Variants in SORBS2 observed in about 807,000 individuals in gnomAD.
SORBS2 encodes sorbin and SH3 domain containing 2.
SORBS2 carries 46 observed loss-of-function variants against 97.7 expected under a neutral mutation model. The observed-to-expected ratio is 0.47, with a 90% CI of 0.37 to 0.60. The LOEUF is 0.60. Among genes scored for constraint, SORBS2 ranks in the 20% least tolerant of loss-of-function variants. The pLI, the probability that SORBS2 is intolerant of heterozygous loss-of-function variation, is 0.00. For synonymous variants in SORBS2, 476 were observed against 473.4 expected (o/e 1.01, Z -0.07); for missense variants, 1,316 against 1,282.3 (o/e 1.03, Z -0.40).
At chr4:185,774,888 C>T (rs1287254585) in intron 2 of SORBS2, 4 of 149,800 alleles carry the variant, frequency 2.7e-5, no homozygotes, top group Admixed American at 6.6e-5. Flanking sequence ...TTTTAATGCC[C>T]CTGGAAAGTT....
intron 4 of SORBS2, among the ~76,000 whole-genome samples, chr4:185,633,831 A>T: frequency 6.6e-6 from 1 of 151,822 alleles, no homozygotes. Context: ...GACATGATGC[A>T]CTCTAAATTC....
At chr4:185,764,800 C>A (rs1003932665) in intron 2 of SORBS2, among the ~76,000 whole-genome samples, 6 of 152,132 alleles carry the variant, frequency 3.9e-5, no homozygotes, top group African/African-American at 1.4e-4. Flanking sequence ...ATGTACCCAT[C>A]ATTTATCTTA....
At chr4:185,916,925 G>A (rs1177125223) in intron 1 of SORBS2, among the ~76,000 whole-genome samples, 2 of 152,220 alleles carry the variant, frequency 1.3e-5, no homozygotes, top group East Asian at 3.9e-4. Flanking sequence ...GGTAGCTACA[G>A]GATGGGGCTG....
At chr4:185,656,644 C>T (rs766029731) in exon 1 of SORBS2, 36 of 1,550,960 alleles carry the variant, frequency 2.3e-5, no homozygotes, top group African/African-American at 5.5e-5. Context: ...TTCATCCTGT[C>T]CCCGGCTTCC....
intron 1 of SORBS2, among the ~76,000 whole-genome samples, chr4:185,890,831 C>T (rs1383122012): frequency 1.3e-5 from 2 of 152,216 alleles, no homozygotes; most frequent in Admixed American, 6.5e-5. Flanking sequence ...ATTCCAATGC[C>T]TAGGTTTTCT....
intron 1 of SORBS2, among the ~76,000 whole-genome samples, chr4:185,942,196 G>T (rs1303525074): frequency 6.6e-6 from 1 of 152,080 alleles, no homozygotes; most frequent in Non-Finnish European, 1.5e-5. Flanking sequence ...CTTCTGTTTG[G>T]AATTTTCATG....
At chr4:185,603,135 T>G (rs1175122356) in intron 12 of SORBS2, among the ~76,000 whole-genome samples, 1 of 152,228 alleles carries the variant, frequency 6.6e-6, no homozygotes, top group African/African-American at 2.4e-5. Context: ...TTTTAAATCC[T>G]GGCTTTGTCC....
chr4:185,822,847 A>G (rs1220191856), intron 1 of SORBS2, among the ~76,000 whole-genome samples: 3 of 152,224 alleles, frequency 2.0e-5, no homozygotes, highest in Non-Finnish European at 4.4e-5. Context: ...TAAAGATTTT[A>G]CATTTTAAGC....
At chr4:185,813,678 G>A (rs967932439) in intron 1 of SORBS2, among the ~76,000 whole-genome samples, 3 of 152,130 alleles carry the variant, frequency 2.0e-5, no homozygotes, top group Admixed American at 1.3e-4. Flanking sequence ...CAATCTGACT[G>A]CTCCTCGCCC....
chr4:185,614,929 C>T, exon 11 of SORBS2: 1 of 1,614,150 alleles, frequency 6.2e-7, no homozygotes, highest in Non-Finnish European at 8.5e-7. Context: ...GGTGGTCTTG[C>T]AGGCTGTGCT....
rs539044853 is a variant in SORBS2 at position 185,670,642 on chromosome 4, C to T, written c.-46+7781G>A. ...TTTTTGGAGTCTTGCTCTCGACCTCCAAAAGTGCTGGGATTACAGGCATGA... is the reference window on the plus strand; with the variant it reads ...TTTTTGGAGTCTTGCTCTCGACCTCTAAAAGTGCTGGGATTACAGGCATGA... On this transcript the variant is annotated intron_variant, in intron 4 of 20. Coordinates refer to the SORBS2 transcript ENST00000284776. 2.0e-5 allele frequency among the ~76,000 whole-genome samples: 3 copies of T among 151,448 alleles called. No individual in the cohort carries two copies. The South Asian group carries it at 6.3e-4, about 32-fold the overall frequency.
chr4:185,588,862 G>A (rs1160820493), intron 14 of SORBS2, among the ~76,000 whole-genome samples: 1 of 152,032 alleles, frequency 6.6e-6, no homozygotes, highest in Non-Finnish European at 1.5e-5. Flanking sequence ...TAATCCACCC[G>A]CCTCGGCCTC....
At chr4:185,786,155 T>A (rs1312239218) in intron 1 of SORBS2, among the ~76,000 whole-genome samples, 1 of 152,222 alleles carries the variant, frequency 6.6e-6, no homozygotes, top group Non-Finnish European at 1.5e-5. Context: ...TTTGGGTTTT[T>A]TTTTCTATTT....
At chr4:185,945,883 G>A (rs1415719624) in intron 1 of SORBS2, among the ~76,000 whole-genome samples, 1 of 152,172 alleles carries the variant, frequency 6.6e-6, no homozygotes, top group African/African-American at 2.4e-5. Flanking sequence ...CCAGGAAGAA[G>A]CAGCAGCAGT....
intron 2 of SORBS2, among the ~76,000 whole-genome samples, chr4:185,751,196 AAGAG>A (rs923535815): frequency 2.7e-5 from 4 of 149,974 alleles, no homozygotes; most frequent in South Asian, 2.1e-4. Flanking sequence ...AAAAAAGAGA[AAGAG>A]AGAGAAATTC....
chr4:185,895,744 A>T (rs2099244716), intron 1 of SORBS2, among the ~76,000 whole-genome samples: 1 of 152,258 alleles, frequency 6.6e-6, no homozygotes, highest in South Asian at 2.1e-4. Context: ...AAGAACAGTG[A>T]CTTTGTCACA....
At chr4:185,932,002 C>CTCTATA (rs1233098098) in intron 1 of SORBS2, among the ~76,000 whole-genome samples, 2 of 148,572 alleles carry the variant, frequency 1.3e-5, no homozygotes, top group Admixed American at 6.7e-5. Context: ...CTCTCTCTCT[C>CTCTATA]TATATATATA....
At chr4:185,777,488 CT>C (rs1240209373) in intron 1 of SORBS2, among the ~76,000 whole-genome samples, 1 of 151,932 alleles carries the variant, frequency 6.6e-6, no homozygotes, top group African/African-American at 2.4e-5. Context: ...ATTGGCTTTC[CT>C]TGAGAAGCTA....
intron 1 of SORBS2, among the ~76,000 whole-genome samples, chr4:185,655,952 T>C (rs2097393962): frequency 6.6e-6 from 1 of 152,210 alleles, no homozygotes; most frequent in Admixed American, 6.5e-5. Flanking sequence ...ATTTTGTCTA[T>C]ACTATGCCTC....
Sources: allele counts gnomAD v4.1 joint callset (sites outside exome capture counted in the v4.1 genomes callset), GRCh38; gene constraint gnomAD v4.1.1; transcripts MANE v1.5; gene names NCBI Gene and HGNC (gene_info 2026-07-23, HGNC 2026-07-21).